Variants in LINGO2 observed in about 807,000 individuals in gnomAD.
The protein encoded by LINGO2 is leucine-rich repeat and immunoglobulin-like domain-containing nogo receptor-interacting protein 2.
A neutral mutation model predicts 30.6 loss-of-function variants in LINGO2; 14 were observed. The ratio of observed to expected loss-of-function variants is 0.46; its 90% CI spans 0.30 to 0.72. The LOEUF (loss-of-function observed/expected upper bound fraction) is 0.72, where lower values mean the gene tolerates loss of function less well. LINGO2 is among the 30% of genes least tolerant of loss of function. LINGO2 has a pLI of 0.07. For synonymous variants in LINGO2, 317 were observed against 288.5 expected, an observed-to-expected ratio of 1.10 and a Z score of -1.00; for missense variants, 729 against 751.7, an observed-to-expected ratio of 0.97 and a Z score of 0.35.
At chr9:29,169,347 A>C in the LINGO2 span, among the ~76,000 whole-genome samples, 1 of 152,162 alleles carries the variant, frequency 6.6e-6, no homozygotes, top group Non-Finnish European at 1.5e-5. Context: ...AGAAGTATGC[A>C]GTAATCAAAG....
chr9:28,093,854 T>A (rs1826169002), intron 4 of LINGO2, among the ~76,000 whole-genome samples: 2 of 152,076 alleles, frequency 1.3e-5, no homozygotes, highest in African/African-American at 2.4e-5. Context: ...ACATTTTTTT[T>A]TTTATTTAAC....
chr9:28,971,438 T>G, the LINGO2 span, among the ~76,000 whole-genome samples: 1 of 152,110 alleles, frequency 6.6e-6, no homozygotes, highest in Non-Finnish European at 1.5e-5. Context: ...CCAAGCCAGG[T>G]AGCATTAAGC....
intron 2 of LINGO2, among the ~76,000 whole-genome samples, chr9:28,457,369 C>T (rs1261883689): frequency 6.6e-6 from 1 of 152,096 alleles, no homozygotes; most frequent in Non-Finnish European, 1.5e-5. Context: ...AAACTATATT[C>T]CATAACCTTC....
At chr9:28,765,279 C>A in the LINGO2 span, among the ~76,000 whole-genome samples, 5 of 152,036 alleles carry the variant, frequency 3.3e-5, no homozygotes. Flanking sequence ...ATAAAAATAG[C>A]ATTCTACTAG....
chr9:28,282,978 T>C (rs1823381908), intron 4 of LINGO2, among the ~76,000 whole-genome samples: 1 of 152,132 alleles, frequency 6.6e-6, no homozygotes, highest in Admixed American at 6.6e-5. Context: ...ACTCTTTCTG[T>C]TTCAGTCCAT....
the LINGO2 span, among the ~76,000 whole-genome samples, chr9:29,086,891 A>AT: frequency 0.035 from 4,749 of 135,946 alleles, 139 homozygotes; most frequent in African/African-American, 0.083. Flanking sequence ...AAGAGCAGTG[A>AT]TTTTTTTTTT....
the LINGO2 span, among the ~76,000 whole-genome samples, chr9:28,940,248 C>A: frequency 6.6e-6 from 1 of 152,064 alleles, no homozygotes; most frequent in Non-Finnish European, 1.5e-5. Context: ...CAGGTGAGTT[C>A]TACCCAGTGG....
chr9:27,982,407 A>G (rs1358771726), intron 5 of LINGO2, among the ~76,000 whole-genome samples: 1 of 151,866 alleles, frequency 6.6e-6, no homozygotes, highest in African/African-American at 2.4e-5. Context: ...ACACATATAG[A>G]CATACATATA....
At chr9:28,563,821 G>A (rs1014320683) in intron 1 of LINGO2, among the ~76,000 whole-genome samples, 2 of 152,096 alleles carry the variant, frequency 1.3e-5, no homozygotes, top group Non-Finnish European at 2.9e-5. Flanking sequence ...AATCGCGGCT[G>A]CTGAGCCAAG....
the LINGO2 span, among the ~76,000 whole-genome samples, chr9:28,986,831 T>C: frequency 6.6e-6 from 1 of 151,990 alleles, no homozygotes; most frequent in Non-Finnish European, 1.5e-5. Context: ...AATAATATAC[T>C]GAAAGTAAAA....
chr9:28,850,146 A>G, the LINGO2 span, among the ~76,000 whole-genome samples: 1 of 152,062 alleles, frequency 6.6e-6, no homozygotes. Flanking sequence ...GTTACTTCTT[A>G]TAATTATAAT....
chr9:28,867,896 G>A, the LINGO2 span, among the ~76,000 whole-genome samples: 1 of 151,978 alleles, frequency 6.6e-6, no homozygotes, highest in Admixed American at 6.6e-5. Context: ...ATTTTACACA[G>A]AATCAAATAT....
chr9:29,127,896 G>A, the LINGO2 span, among the ~76,000 whole-genome samples: 3 of 152,224 alleles, frequency 2.0e-5, no homozygotes, highest in East Asian at 5.8e-4. Flanking sequence ...TTATCCTATA[G>A]AGTTAACCAT....
chr9:28,481,111 A>G (rs1277598304), intron 1 of LINGO2, among the ~76,000 whole-genome samples: 1 of 152,098 alleles, frequency 6.6e-6, no homozygotes, highest in East Asian at 1.9e-4. Context: ...TTCTAACTCC[A>G]AAGCCTGGGC....
chr9:28,624,869 T>C (rs949549167), intron 1 of LINGO2, among the ~76,000 whole-genome samples: 1 of 151,314 alleles, frequency 6.6e-6, no homozygotes, highest in African/African-American at 2.4e-5. Context: ...AAGCATTCTT[T>C]ACTGTTCACT....
rs543452782 is a variant in LINGO2 at position 28,553,332 on chromosome 9, C to T, written c.-364-77307G>A. ...GCTGATGGAGCTGAAAACCAAGGCT[C>T]GAGAACTACGTGAAGAATGCAGAAG... On this transcript the variant is annotated intron_variant, in intron 1 of 5. Transcript: ENST00000379992. 2.1e-4 allele frequency among the ~76,000 whole-genome samples: 32 copies of T among 151,856 alleles called. 1 individual carries two copies. The East Asian group carries it at 4.6e-3, about 22-fold the overall frequency.
chr9:28,643,944 A>G (rs1424015093), intron 1 of LINGO2, among the ~76,000 whole-genome samples: 1 of 152,162 alleles, frequency 6.6e-6, no homozygotes, highest in Non-Finnish European at 1.5e-5. Context: ...GGTGTTCGAC[A>G]TTGATCATCA....
chr9:28,858,442 T>C, the LINGO2 span, among the ~76,000 whole-genome samples: 1 of 152,130 alleles, frequency 6.6e-6, no homozygotes, highest in East Asian at 1.9e-4. Context: ...ATGAACTTAC[T>C]GCATTATAAC....
At chr9:28,854,907 G>C in the LINGO2 span, among the ~76,000 whole-genome samples, 2 of 151,828 alleles carry the variant, frequency 1.3e-5, no homozygotes, top group African/African-American at 2.4e-5. Context: ...ACTTAAAAAA[G>C]AATGTCAATT....
Sources: allele counts gnomAD v4.1 joint callset (sites outside exome capture counted in the v4.1 genomes callset), GRCh38; gene constraint gnomAD v4.1.1; transcripts MANE v1.5; gene names NCBI Gene and HGNC (gene_info 2026-07-23, HGNC 2026-07-21).